KHDRBS3: variants seen among roughly 807,000 people sequenced by gnomAD.
The protein encoded by KHDRBS3 is KH domain-containing, RNA-binding, signal transduction-associated protein 3.
Under a neutral mutation model 45.6 loss-of-function variants are expected in KHDRBS3, and 23 were observed. The ratio of observed to expected loss-of-function variants is 0.50; its 90% CI spans 0.36 to 0.72. The LOEUF is 0.72. Ranked by LOEUF, KHDRBS3 falls within the 30% of genes least tolerant of loss-of-function variation. The pLI is 0.00. For missense variants in KHDRBS3, 352 were observed against 424.8 expected, an observed-to-expected ratio of 0.83 and a Z score of 1.51; for synonymous variants, 162 against 156.5, an observed-to-expected ratio of 1.04 and a Z score of -0.26.
intron 6 of KHDRBS3, among the ~76,000 whole-genome samples, chr8:135,590,661 A>G (rs1359532684): frequency 6.6e-6 from 1 of 152,218 alleles, no homozygotes; most frequent in African/African-American, 2.4e-5. Context: ...TGATGGTAGA[A>G]ACAAGCTAAA....
Position 135,647,504 on chromosome 8 carries a change from A to T in KHDRBS3, c.*420A>T, listed in dbSNP as rs1831343857. On this transcript the variant is annotated 3_prime_UTR_variant, in exon 9 of 9. Transcript: ENST00000355849. ...ACATGCGTAAAAAGGGAAGCCAATT[A>T]CAAGTGCAAATAATGTGGTATTCTT... 1 of 153,456 alleles carries T rather than the reference A, an allele frequency of 6.5e-6. No homozygotes were observed. The allele number at this position is 153,456 out of a possible 1,614,324, so 9.5% of individuals were successfully genotyped here.
intron 2 of KHDRBS3, among the ~76,000 whole-genome samples, chr8:135,528,658 C>T (rs1194037256): frequency 6.6e-6 from 1 of 152,164 alleles, no homozygotes; most frequent in Non-Finnish European, 1.5e-5. Flanking sequence ...TAGCAAAACA[C>T]TGAGACTGGG....
At chr8:135,576,553 T>C (rs1180573035) in intron 5 of KHDRBS3, among the ~76,000 whole-genome samples, 1 of 152,200 alleles carries the variant, frequency 6.6e-6, no homozygotes, top group Admixed American at 6.5e-5. Flanking sequence ...TGCCCATAAT[T>C]TGAGGGTTTA....
At chr8:135,591,210 C>T (rs1446250469) in intron 6 of KHDRBS3, among the ~76,000 whole-genome samples, 2 of 152,176 alleles carry the variant, frequency 1.3e-5, no homozygotes, top group Admixed American at 1.3e-4. Flanking sequence ...AGCCCATGCT[C>T]CAGCACCCTG....
chr8:135,537,545 A>G (rs894494283), intron 2 of KHDRBS3, among the ~76,000 whole-genome samples: 18 of 152,342 alleles, frequency 1.2e-4, no homozygotes, highest in African/African-American at 4.1e-4. Flanking sequence ...ATATGTTGTT[A>G]TACCATCTTC....
At chr8:135,510,314 C>T (rs111700836) in intron 1 of KHDRBS3, among the ~76,000 whole-genome samples, 29 of 152,170 alleles carry the variant, frequency 1.9e-4, no homozygotes, top group African/African-American at 6.0e-4. Flanking sequence ...AATTGGGCAG[C>T]GTCAGAGCTC....
chr8:135,521,866 G>C (rs1187293723), intron 2 of KHDRBS3, among the ~76,000 whole-genome samples: 2 of 151,990 alleles, frequency 1.3e-5, no homozygotes, highest in African/African-American at 4.8e-5. Context: ...TTATCCATTT[G>C]TCTAGGCACT....
At position 135,469,538 on chromosome 8, in the gene KHDRBS3, T is replaced by G. The variant is rs1409634406; in HGVS notation, c.88+11584T>G. Among the ~76,000 whole-genome samples the G allele has an allele frequency of 3.9e-3, 514 of 131,908 alleles. 12 individuals carry two copies. The highest frequency in any genetic ancestry group is 0.014 in the African/African-American group (460 of 33,376). 86.5% of individuals were successfully genotyped at this position (131,908 alleles called of 152,430 possible). Reference sequence around the variant, plus strand: ...TTTTGTTTTGGTTTTTTTTTTTTTTTTTTTTTTTTGAGACGAGTCTCGCTT... The same window carrying G: ...TTTTGTTTTGGTTTTTTTTTTTTTTGTTTTTTTTTGAGACGAGTCTCGCTT... On this transcript the variant is annotated intron_variant, in intron 1 of 8. Coordinates refer to ENST00000355849, the MANE Select transcript of KHDRBS3 (RefSeq NM_006558.3).
intron 8 of KHDRBS3, among the ~76,000 whole-genome samples, chr8:135,646,691 C>T (rs539152692): frequency 6.6e-6 from 1 of 152,292 alleles, no homozygotes; most frequent in East Asian, 1.9e-4. Flanking sequence ...GCTACTTGAG[C>T]TTGTAAACTG....
rs1470480807 is a variant in KHDRBS3 at position 135,647,111 on chromosome 8, C to G, written c.*27C>G. 2 of 1,177,826 alleles carry G rather than the reference C, an allele frequency of 1.7e-6. No homozygotes were observed. The highest frequency in any genetic ancestry group is 2.6e-6 in the Non-Finnish European group (2 of 782,728). The allele number at this position is 1,177,826 out of a possible 1,614,324, so 73.0% of individuals were successfully genotyped here. ...TGTACTGTCTGATGTTGTGAAATAG[C>G]CAATCTCCACCAGTCCTGTATACTG... On this transcript the variant is annotated 3_prime_UTR_variant, in exon 9 of 9. Coordinates refer to ENST00000355849, the MANE Select transcript of KHDRBS3 (RefSeq NM_006558.3).
chr8:135,524,563 A>C (rs556846233), intron 2 of KHDRBS3, among the ~76,000 whole-genome samples: 4 of 152,172 alleles, frequency 2.6e-5, no homozygotes, highest in African/African-American at 9.6e-5. Context: ...TTTTAAAAGG[A>C]TTTGTACATT....
chr8:135,577,355 C>T (rs986668276), intron 5 of KHDRBS3, among the ~76,000 whole-genome samples: 11 of 151,992 alleles, frequency 7.2e-5, no homozygotes, highest in African/African-American at 2.7e-4. Context: ...ATGTATTCAC[C>T]GTCATTTTGG....
chr8:135,612,319 C>T (rs1829738489), intron 7 of KHDRBS3, among the ~76,000 whole-genome samples: 1 of 151,826 alleles, frequency 6.6e-6, no homozygotes, highest in South Asian at 2.1e-4. Context: ...TCAATATGCA[C>T]TAGAAGTTTT....
intron 7 of KHDRBS3, among the ~76,000 whole-genome samples, chr8:135,621,857 T>C (rs1199394278): frequency 6.6e-6 from 1 of 152,188 alleles, no homozygotes; most frequent in East Asian, 1.9e-4. Context: ...CATTTTGTGA[T>C]GGACCTTCAT....
intron 1 of KHDRBS3, among the ~76,000 whole-genome samples, chr8:135,514,526 CA>C (rs1824467394): frequency 1.3e-5 from 2 of 152,018 alleles, no homozygotes; most frequent in Non-Finnish European, 2.9e-5. Context: ...TTTATATAAA[CA>C]AAATAGAATG....
At chr8:135,580,252 A>C (rs1828138670) in intron 5 of KHDRBS3, among the ~76,000 whole-genome samples, 1 of 152,162 alleles carries the variant, frequency 6.6e-6, no homozygotes, top group Non-Finnish European at 1.5e-5. Flanking sequence ...ACTTCCAATG[A>C]CCAGCCCCAC....
At chr8:135,611,851 C>T (rs974310423) in intron 7 of KHDRBS3, among the ~76,000 whole-genome samples, 10 of 151,784 alleles carry the variant, frequency 6.6e-5, no homozygotes, top group African/African-American at 2.4e-4. Flanking sequence ...CCGGTTTAAG[C>T]ACAACACTGC....
intron 1 of KHDRBS3, among the ~76,000 whole-genome samples, chr8:135,482,530 C>T (rs1822633284): frequency 6.6e-6 from 1 of 152,114 alleles, no homozygotes. Flanking sequence ...CTCAGATTGT[C>T]CTTATGCTTC....
chr8:135,527,536 A>G (rs746735652), intron 2 of KHDRBS3, among the ~76,000 whole-genome samples: 1 of 152,254 alleles, frequency 6.6e-6, no homozygotes, highest in Non-Finnish European at 1.5e-5. Context: ...AGGTCCTGCA[A>G]AGTTAAAGTA....
Sources: allele counts gnomAD v4.1 joint callset (sites outside exome capture counted in the v4.1 genomes callset), GRCh38; gene constraint gnomAD v4.1.1; transcripts MANE v1.5; gene names NCBI Gene and HGNC (gene_info 2026-07-23, HGNC 2026-07-21).